CSMD1: variants seen among roughly 807,000 people sequenced by gnomAD.
CSMD1 encodes CUB and sushi domain-containing protein 1.
Under a neutral mutation model 417.5 loss-of-function variants are expected in CSMD1, and 213 were observed. The ratio of observed to expected loss-of-function variants is 0.51; its 90% CI spans 0.46 to 0.57. The LOEUF (loss-of-function observed/expected upper bound fraction) is 0.57, where lower values mean the gene tolerates loss of function less well. Among genes scored for constraint, CSMD1 ranks in the 20% least tolerant of loss-of-function variants. The probability of loss-of-function intolerance (pLI) is 0.00; values close to 1 mark genes in which losing one functional copy is unlikely to be tolerated. For missense variants in CSMD1, 6,923 were observed against 4,529.7 expected (o/e 1.53, Z -15.17); for synonymous variants, 2,862 against 1,736.8 (o/e 1.65, Z -16.11).
intron 14 of CSMD1, 35 bp downstream of exon 14, chr8:3,407,864 G>C (rs760220694): frequency 2.0e-6 from 3 of 1,533,272 alleles, no homozygotes; most frequent in Non-Finnish European, 2.6e-6. Flanking sequence ...AGTAAAATGA[G>C]AACTTGGATG....
At chr8:2,942,743 T>C (rs760926404) in intron 68 of CSMD1, 139 bp from the exon 69 acceptor site, 8 of 630,028 alleles carry the variant, frequency 1.3e-5, no homozygotes, top group Non-Finnish European at 2.0e-5. Flanking sequence ...AATGATATTC[T>C]TTTCTAAAGA....
intron 4 of CSMD1, among the ~76,000 whole-genome samples, chr8:4,030,230 G>A (rs980491115): frequency 6.6e-6 from 1 of 152,128 alleles, no homozygotes; most frequent in Non-Finnish European, 1.5e-5. Context: ...GGGACTCTGT[G>A]GGGGAGCTCT....
At chr8:4,433,615 T>C (rs192456012) in intron 2 of CSMD1, among the ~76,000 whole-genome samples, 1 of 152,288 alleles carries the variant, frequency 6.6e-6, no homozygotes, top group African/African-American at 2.4e-5. Context: ...ACAAATTTGA[T>C]AAAGCCAGTT....
At chr8:3,972,201 C>G (rs943531569) in intron 5 of CSMD1, among the ~76,000 whole-genome samples, 1 of 151,552 alleles carries the variant, frequency 6.6e-6, no homozygotes, top group East Asian at 1.9e-4. Flanking sequence ...TTTCCTATCA[C>G]TTTGTTGAAG....
rs766274993 is a variant in CSMD1, at chr8:3,078,340, C to G, written c.7474+8757G>C. Among the ~76,000 whole-genome samples the G allele has an allele frequency of 1.6e-4, 25 of 152,200 alleles. 1 individual carries two copies. Among genetic ancestry groups the G allele is most frequent in the Middle Eastern group, 3.4e-3 (1 of 294 alleles). ...AGAATAGGTGAAGTTTTGGGATGCT[C>G]GATGTGTGCTAAGCATGGACAGAGG... On this transcript the variant is annotated intron_variant, in intron 49 of 69. Transcript: ENST00000635120.
intron 5 of CSMD1, among the ~76,000 whole-genome samples, chr8:3,843,701 C>G (rs1803288339): frequency 6.6e-6 from 1 of 152,164 alleles, no homozygotes; most frequent in African/African-American, 2.4e-5. Context: ...GGGTGGAACA[C>G]AGACCTAGTT....
At chr8:4,582,077 T>G (rs1038847752) in intron 2 of CSMD1, among the ~76,000 whole-genome samples, 1 of 152,152 alleles carries the variant, frequency 6.6e-6, no homozygotes, top group African/African-American at 2.4e-5. Context: ...GCCTCTTTTT[T>G]TTTTTTGGTT....
At chr8:4,651,435 T>C (rs1435235856) in intron 1 of CSMD1, among the ~76,000 whole-genome samples, 2 of 152,190 alleles carry the variant, frequency 1.3e-5, no homozygotes, top group African/African-American at 4.8e-5. Context: ...TTCTAATTTT[T>C]TGCACTGTAG....
chr8:3,266,866 A>C (rs562029482), intron 26 of CSMD1, among the ~76,000 whole-genome samples: 1 of 152,072 alleles, frequency 6.6e-6, no homozygotes. Flanking sequence ...CAGTAATCAC[A>C]GAGTGATGAG....
At chr8:3,574,742 A>G (rs1800076591) in intron 10 of CSMD1, among the ~76,000 whole-genome samples, 1 of 152,246 alleles carries the variant, frequency 6.6e-6, no homozygotes. Context: ...AAATGGCACC[A>G]CAGTGAGAAT....
intron 2 of CSMD1, among the ~76,000 whole-genome samples, chr8:4,597,268 T>C (rs1412402053): frequency 6.6e-6 from 1 of 152,222 alleles, no homozygotes; most frequent in South Asian, 2.1e-4. Context: ...CTTTGATTTC[T>C]AATTTGAGAA....
chr8:3,997,945 T>C lies in CSMD1; in HGVS notation c.776A>G (p.Tyr259Cys). Residue 259 changes from tyrosine (Y) to cysteine (C), a missense_variant, in exon 5 of 70, where the codon TAT becomes TGT. Transcript: ENST00000635120. The stretch of plus-strand genomic sequence containing the variant: ...CGTGCCACTGATCTCTAAGAAATCA[T>C]ATCCTTCTTCTAGCTGAAAGTCAGT... The part of the protein sequence containing the change: ...VFTDFQLEEG[Y>C]DFLEISGTEA... The C allele has an allele frequency of 1.2e-6, 2 of 1,612,410 alleles. No individual in the cohort carries two copies. The highest frequency in any genetic ancestry group is 2.2e-5 in the East Asian group (1 of 44,824).
chr8:4,205,878 A>G (rs1053388153), intron 3 of CSMD1, among the ~76,000 whole-genome samples: 1 of 152,294 alleles, frequency 6.6e-6, no homozygotes, highest in African/African-American at 2.4e-5. Flanking sequence ...TGAACTTCCT[A>G]TTATGCACTG....
At chr8:4,356,435 C>T (rs1178292452) in intron 3 of CSMD1, among the ~76,000 whole-genome samples, 2 of 152,138 alleles carry the variant, frequency 1.3e-5, no homozygotes, top group African/African-American at 2.4e-5. Flanking sequence ...TATAAACATG[C>T]ATGTACAAGT....
chr8:4,468,468 T>C lies in CSMD1; in HGVS notation c.303-48403A>G, dbSNP rs140934058. ...AAACTTCAAACCTTATGATTTAAGC[T>C]CTTGATATACCAACTCATTCTTATC... On this transcript the variant is annotated intron_variant, in intron 2 of 69. Coordinates refer to ENST00000635120, the MANE Select transcript of CSMD1 (RefSeq NM_033225.6). Among the ~76,000 whole-genome samples the C allele has an allele frequency of 5.2e-3, 787 of 152,354 alleles. 10 individuals carry two copies. The highest frequency in any genetic ancestry group is 0.018 in the African/African-American group (752 of 41,580).
intron 3 of CSMD1, among the ~76,000 whole-genome samples, chr8:4,312,097 TAA>T (rs1480549645): frequency 6.6e-6 from 1 of 152,096 alleles, no homozygotes; most frequent in Non-Finnish European, 1.5e-5. Flanking sequence ...TTCCAGGAGT[TAA>T]AAAAGTTATC....
At chr8:3,545,026 A>T (rs1358020142) in intron 10 of CSMD1, among the ~76,000 whole-genome samples, 1 of 152,198 alleles carries the variant, frequency 6.6e-6, no homozygotes, top group African/African-American at 2.4e-5. Flanking sequence ...TTATCAGGAC[A>T]GTATAAAGTT....
At chr8:2,952,157 C>T (rs907015847) in intron 65 of CSMD1, among the ~76,000 whole-genome samples, 1 of 152,136 alleles carries the variant, frequency 6.6e-6, no homozygotes, top group Non-Finnish European at 1.5e-5. Flanking sequence ...TTCAGCATTA[C>T]TCTTTGTTTT....
intron 31 of CSMD1, among the ~76,000 whole-genome samples, chr8:3,205,271 T>C (rs564528233): frequency 6.6e-6 from 1 of 152,302 alleles, no homozygotes; most frequent in Admixed American, 6.5e-5. Context: ...TTCTCTCTGA[T>C]TATTTCGGAT....
Sources: allele counts gnomAD v4.1 joint callset (sites outside exome capture counted in the v4.1 genomes callset), GRCh38; gene constraint gnomAD v4.1.1; transcripts MANE v1.5; gene names NCBI Gene and HGNC (gene_info 2026-07-23, HGNC 2026-07-21).